Variants in NXN observed in about 807,000 individuals in gnomAD.
NXN encodes the protein nucleoredoxin 1.
Under a neutral mutation model 48.6 loss-of-function variants are expected in NXN, and 16 were observed. That is an observed-to-expected ratio of 0.33 (90% CI 0.22 to 0.50). The LOEUF (loss-of-function observed/expected upper bound fraction) is 0.50, where lower values mean the gene tolerates loss of function less well. Ranked by LOEUF, NXN falls within the 20% of genes least tolerant of loss-of-function variation. The pLI, the probability that NXN is intolerant of heterozygous loss-of-function variation, is 0.98. For missense variants in NXN, 492 were observed against 605.5 expected (o/e 0.81, Z 1.97); for synonymous variants, 281 against 269.6 (o/e 1.04, Z -0.41).
chr17:945,804 C>G (rs1224320284), intron 1 of NXN, among the ~76,000 whole-genome samples: 1 of 152,170 alleles, frequency 6.6e-6, no homozygotes, highest in African/African-American at 2.4e-5. Context: ...CTGCTTATCT[C>G]TCTCCTGAAT....
chr17:833,105 A>C (rs1913584224), intron 1 of NXN, among the ~76,000 whole-genome samples: 1 of 151,950 alleles, frequency 6.6e-6, no homozygotes, highest in Non-Finnish European at 1.5e-5. Flanking sequence ...GTCAGCCAGG[A>C]TGGTCTCGAC....
At chr17:906,673 T>C (rs559843975) in intron 1 of NXN, among the ~76,000 whole-genome samples, 2 of 151,546 alleles carry the variant, frequency 1.3e-5, no homozygotes, top group Admixed American at 6.6e-5. Flanking sequence ...TTCAAGTGAT[T>C]CTCCTGCCTC....
At chr17:824,052 T>A (rs1912964369) in intron 2 of NXN, among the ~76,000 whole-genome samples, 1 of 150,848 alleles carries the variant, frequency 6.6e-6, no homozygotes, top group African/African-American at 2.4e-5. Flanking sequence ...TTTTTTTTTT[T>A]TTTTTGAGGT....
At chr17:854,787 C>T (rs1369474928) in intron 1 of NXN, among the ~76,000 whole-genome samples, 3 of 151,726 alleles carry the variant, frequency 2.0e-5, no homozygotes, top group African/African-American at 4.8e-5. Context: ...GGTGAAACCC[C>T]GTCTCTACTA....
intron 1 of NXN, chr17:929,662 C>T (rs2068834417): frequency 1.3e-5 from 2 of 152,220 alleles, no homozygotes; most frequent in Admixed American, 1.3e-4. Flanking sequence ...ACCATACCTA[C>T]CACGCATCCC....
intron 1 of NXN, among the ~76,000 whole-genome samples, chr17:928,631 T>C (rs1359895980): frequency 6.6e-6 from 1 of 151,940 alleles, no homozygotes; most frequent in Non-Finnish European, 1.5e-5. Context: ...AGGTCAGGAG[T>C]TTGAGACCAG....
chr17:971,238 G>C (rs112873155), intron 1 of NXN, among the ~76,000 whole-genome samples: 2,271 of 152,054 alleles, frequency 0.015, 69 homozygotes, highest in African/African-American at 0.052. Context: ...GAGCCACCGC[G>C]CGTGGCCGAG....
At chr17:959,993 G>A (rs2069217936) in intron 1 of NXN, among the ~76,000 whole-genome samples, 1 of 152,032 alleles carries the variant, frequency 6.6e-6, no homozygotes, top group South Asian at 2.1e-4. Flanking sequence ...TCGGGACACT[G>A]AGGCAGGAGA....
intron 1 of NXN, among the ~76,000 whole-genome samples, chr17:944,110 G>C (rs1221313371): frequency 6.7e-6 from 1 of 149,778 alleles, no homozygotes; most frequent in East Asian, 2.0e-4. Context: ...GTGGTGACGG[G>C]TGCCTGTAAT....
In NXN at chr17:963,637, A is replaced by T. The variant is rs527837028; in HGVS notation, c.360+15682T>A. Among the ~76,000 whole-genome samples, 936 of 151,980 alleles carry T rather than the reference A, an allele frequency of 6.2e-3. 2 individuals carry two copies. The highest frequency in any genetic ancestry group is 0.013 in the African/African-American group (543 of 41,460). ...GGACAAAAAGGAAATTTTTTTTTTT[A>T]AAATGCTAAATTGATTTGCGCAAAA... On this transcript the variant is annotated intron_variant, in intron 1 of 7. Coordinates refer to ENST00000336868, the MANE Select transcript of NXN (RefSeq NM_022463.5).
At chr17:826,582 A>C (rs185779233) in intron 1 of NXN, among the ~76,000 whole-genome samples, 1 of 152,372 alleles carries the variant, frequency 6.6e-6, no homozygotes, top group African/African-American at 2.4e-5. Flanking sequence ...GCAGCAGGCA[A>C]CAGCAGCCGC....
intron 5 of NXN, among the ~76,000 whole-genome samples, chr17:815,434 T>G (rs940301578): frequency 1.3e-5 from 2 of 149,702 alleles, no homozygotes; most frequent in Non-Finnish European, 3.0e-5. Flanking sequence ...CCACTCTAGA[T>G]CCCTAAGCTC....
intron 1 of NXN, among the ~76,000 whole-genome samples, chr17:969,346 C>T (rs535722600): frequency 3.3e-5 from 5 of 152,146 alleles, no homozygotes; most frequent in Non-Finnish European, 7.3e-5. Flanking sequence ...GTTTCCAACC[C>T]GGGAAACCTG....
rs552820393 is a variant in NXN at position 924,480 on chromosome 17, G to A, written c.360+54839C>T. Among the ~76,000 whole-genome samples the A allele has an allele frequency of 3.3e-5, 5 of 152,292 alleles. No homozygotes were observed. In the East Asian group the frequency reaches 5.8e-4, roughly 18 times the overall value. ...TTGAACTCCCAACCTCAGGTGATCC[G>A]CCCACCTCGGCCTCCCGAAGTGCTA... On this transcript the variant is annotated intron_variant, in intron 1 of 7. Transcript: ENST00000336868.
chr17:952,174 T>TG (rs56071905), intron 1 of NXN, among the ~76,000 whole-genome samples: 2,225 of 96,412 alleles, frequency 0.023, 110 homozygotes, highest in African/African-American at 0.079. Context: ...GGTCACACTG[T>TG]GGGGGGGCTG....
At chr17:931,285 CAAAAAAAA>C (rs778432060) in intron 1 of NXN, among the ~76,000 whole-genome samples, 5 of 107,106 alleles carry the variant, frequency 4.7e-5, no homozygotes, top group Non-Finnish European at 9.9e-5. Context: ...AGACTCCATC[CAAAAAAAA>C]AAAAAAAAAA....
chr17:910,664 G>A (rs1367240107), intron 1 of NXN: 1 of 152,120 alleles, frequency 6.6e-6, no homozygotes, highest in Non-Finnish European at 1.5e-5. Flanking sequence ...ATGAATTAAT[G>A]CCAACAAATG....
At chr17:852,503 C>T (rs974777862) in intron 1 of NXN, among the ~76,000 whole-genome samples, 5 of 152,178 alleles carry the variant, frequency 3.3e-5, no homozygotes, top group African/African-American at 1.2e-4. Flanking sequence ...TCCATACTGA[C>T]GTCCAGAAAA....
At position 819,391 on chromosome 17, in the gene NXN, T is replaced by A. The variant is rs1371230983; in HGVS notation, c.820+48A>T. ...AAGCCAAAGACACGGTGAGCTCAGG[T>A]GAGCAGGTTTCCAGGAGCCACACGG... On this transcript the variant is annotated intron_variant, in intron 5 of 7. Transcript: ENST00000336868. 15 of 1,337,126 alleles carry A rather than the reference T, an allele frequency of 1.1e-5. 1 individual carries two copies. In the East Asian group the frequency reaches 2.5e-4, roughly 23 times the overall value. 82.8% of individuals were successfully genotyped at this position (1,337,126 alleles called of 1,614,324 possible).
Sources: allele counts gnomAD v4.1 joint callset (sites outside exome capture counted in the v4.1 genomes callset), GRCh38; gene constraint gnomAD v4.1.1; transcripts MANE v1.5; gene names NCBI Gene and HGNC (gene_info 2026-07-23, HGNC 2026-07-21).